The following RAD52 variants were observed in gnomAD, a reference collection of about 807,000 sequenced individuals.
RAD52 encodes DNA repair protein RAD52 homolog.
RAD52 carries 47 observed loss-of-function variants against 55.5 expected under a neutral mutation model. The observed-to-expected ratio is 0.85, with a 90% CI of 0.67 to 1.08. The LOEUF (loss-of-function observed/expected upper bound fraction) is 1.08, where lower values mean the gene tolerates loss of function less well. Ranked by LOEUF, RAD52 falls within the 50% of genes least tolerant of loss-of-function variation. The pLI, the probability that RAD52 is intolerant of heterozygous loss-of-function variation, is 0.00. For missense variants in RAD52, 468 were observed against 522.8 expected (o/e 0.90, Z 1.02); for synonymous variants, 184 against 198.9 (o/e 0.92, Z 0.63).
chr12:981,973 T>C (rs1156298468), intron 1 of RAD52, among the ~76,000 whole-genome samples: 1 of 152,140 alleles, frequency 6.6e-6, no homozygotes, highest in Non-Finnish European at 1.5e-5. Context: ...CAGCCATGCC[T>C]CTGAGGCACT....
At chr12:925,402 A>G (rs759881543) in intron 7 of RAD52, 48 bp downstream of exon 7, 5 of 1,491,026 alleles carry the variant, frequency 3.4e-6, no homozygotes, top group East Asian at 2.3e-5. Context: ...CATGACACAC[A>G]AGAGTTTGCC....
chr12:965,995 G>A (rs1958761631), intron 1 of RAD52, among the ~76,000 whole-genome samples: 1 of 151,576 alleles, frequency 6.6e-6, no homozygotes, highest in African/African-American at 2.4e-5. Flanking sequence ...TTTGTTTTTT[G>A]AGTCAGGATC....
intron 1 of RAD52, among the ~76,000 whole-genome samples, chr12:937,120 G>A (rs531769178): frequency 1.5e-4 from 23 of 152,252 alleles, no homozygotes; most frequent in African/African-American, 4.3e-4. Flanking sequence ...TGAGGGGTCC[G>A]TCCACCCTTC....
At chr12:927,309 C>G (rs1388678598) in intron 5 of RAD52, 46 bp from the exon 6 acceptor site, 1 of 1,341,000 alleles carries the variant, frequency 7.5e-7, no homozygotes, top group South Asian at 1.2e-5. Flanking sequence ...GAGCGGCAGG[C>G]GTGCCACAAC....
At chr12:920,974 A>G (rs1328880516) in intron 7 of RAD52, among the ~76,000 whole-genome samples, 1 of 152,202 alleles carries the variant, frequency 6.6e-6, no homozygotes, top group Non-Finnish European at 1.5e-5. Flanking sequence ...ATGAAACTAG[A>G]AATCAACAGC....
intron 1 of RAD52, among the ~76,000 whole-genome samples, chr12:972,079 G>A (rs144909808): frequency 3.8e-4 from 58 of 152,240 alleles, no homozygotes; most frequent in African/African-American, 1.3e-3. Flanking sequence ...CACAAAATAT[G>A]GGAGGAATAA....
At chr12:929,387 A>G (rs1240451296) in intron 5 of RAD52, among the ~76,000 whole-genome samples, 1 of 152,232 alleles carries the variant, frequency 6.6e-6, no homozygotes, top group Non-Finnish European at 1.5e-5. Flanking sequence ...GTGCTCACTT[A>G]ACACCTTAAA....
Position 913,339 on chromosome 12 carries a change from G to A in RAD52, c.*52C>T. The A allele has an allele frequency of 7.2e-7, 1 of 1,397,604 alleles. No individual in the cohort carries two copies. The highest frequency in any genetic ancestry group is 1.0e-6 in the Non-Finnish European group (1 of 1,004,694). 86.6% of individuals were successfully genotyped at this position (1,397,604 alleles called of 1,614,324 possible). ...TGAACAATTTCATGACCAAAAAGTAGTTTTCCAAAGTCCCTTTGTGACAGA... is the reference window on the plus strand; with the variant it reads ...TGAACAATTTCATGACCAAAAAGTAATTTTCCAAAGTCCCTTTGTGACAGA... On this transcript the variant is annotated 3_prime_UTR_variant, in exon 12 of 12. Transcript: ENST00000358495.
At position 917,298 on chromosome 12, in the gene RAD52, A is replaced by C. The variant is rs1225545788; in HGVS notation, c.544-478T>G. ...TTGGGAGGCACGGACGCCGGCTGCC[A>C]GCCAAGGCTGCAAGGAATCTTCCAG... On this transcript the variant is annotated intron_variant, in intron 7 of 11. Transcript: ENST00000358495. Among the ~76,000 whole-genome samples, 8 of 152,190 alleles carry C rather than the reference A, an allele frequency of 5.3e-5. No homozygotes were observed. In the East Asian group the frequency reaches 1.5e-3, roughly 29 times the overall value.
rs375706512 is a variant in RAD52, at chr12:927,133, C to T, written c.467+12G>A. 9.3e-6 allele frequency: 15 copies of T among 1,609,246 alleles called. No homozygotes were observed. The highest frequency in any genetic ancestry group is 1.7e-5 in the Admixed American group (1 of 59,984). On this transcript the variant is annotated intron_variant, in intron 6 of 11. Coordinates refer to ENST00000358495, the MANE Select transcript of RAD52 (RefSeq NM_134424.4). ...GAAATGACGCAGGTTAGACTCCCAGCCCCGCGCTCACCTGAGGGCTCGCTT... is the reference window on the plus strand; with the variant it reads ...GAAATGACGCAGGTTAGACTCCCAGTCCCGCGCTCACCTGAGGGCTCGCTT...
At chr12:921,230 G>C (rs1391278551) in intron 7 of RAD52, among the ~76,000 whole-genome samples, 2 of 151,840 alleles carry the variant, frequency 1.3e-5, no homozygotes, top group Non-Finnish European at 2.9e-5. Flanking sequence ...TACACCCAAA[G>C]CTAGAAGAAA....
chr12:955,663 C>T (rs566604000), intron 1 of RAD52, among the ~76,000 whole-genome samples: 16 of 151,718 alleles, frequency 1.1e-4, no homozygotes, highest in Admixed American at 2.6e-4. Flanking sequence ...TTGTTAGAGA[C>T]GGGGTTCACC....
chr12:958,704 A>G (rs566041522), intron 1 of RAD52, among the ~76,000 whole-genome samples: 3 of 152,278 alleles, frequency 2.0e-5, no homozygotes, highest in African/African-American at 7.2e-5. Flanking sequence ...CTGGCAGCCT[A>G]TGGTGTGCTT....
At chr12:973,659 G>A (rs956949441) in intron 1 of RAD52, among the ~76,000 whole-genome samples, 3 of 151,478 alleles carry the variant, frequency 2.0e-5, no homozygotes, top group African/African-American at 4.9e-5. Context: ...TGTATTTTTT[G>A]TAGAGACAGG....
intron 1 of RAD52, among the ~76,000 whole-genome samples, chr12:961,024 T>C (rs1365069773): frequency 1.3e-5 from 2 of 150,544 alleles, no homozygotes; most frequent in African/African-American, 2.4e-5. Flanking sequence ...GCAAAGAAAA[T>C]TGAAAAAGAG....
intron 1 of RAD52, among the ~76,000 whole-genome samples, chr12:941,065 G>T (rs1371534719): frequency 1.3e-5 from 2 of 152,088 alleles, no homozygotes; most frequent in Non-Finnish European, 2.9e-5. Flanking sequence ...AAGAAGCTCT[G>T]CAAATCTCAA....
At position 916,821 on chromosome 12, in the gene RAD52, CTAG is replaced by C. The variant is rs772544599; in HGVS notation, c.544-4_544-2del. ...TAGTTAAATCCACTTCAAGAGGCAA[CTAG>C]AAGGAAAGAAGAAAAACAAATTCCT... On this transcript the variant is annotated splice_acceptor_variant and splice_polypyrimidine_tract_variant and intron_variant, in intron 7 of 11. Coordinates refer to ENST00000358495, the MANE Select transcript of RAD52 (RefSeq NM_134424.4). LOFTEE classifies it high-confidence loss of function. The C allele has an allele frequency of 1.3e-6, 2 of 1,593,040 alleles. No individual in the cohort carries two copies. Among genetic ancestry groups the C allele is most frequent in the Non-Finnish European group, 1.7e-6 (2 of 1,162,592 alleles).
At chr12:928,714 T>C (rs1957172454) in intron 5 of RAD52, among the ~76,000 whole-genome samples, 2 of 152,108 alleles carry the variant, frequency 1.3e-5, no homozygotes, top group Non-Finnish European at 2.9e-5. Context: ...TATTTATGTT[T>C]TCTCTTCACC....
intron 7 of RAD52, among the ~76,000 whole-genome samples, chr12:923,787 G>A (rs1409973822): frequency 6.6e-6 from 1 of 152,086 alleles, no homozygotes; most frequent in Non-Finnish European, 1.5e-5. Context: ...GCCGGGTGCG[G>A]TGGCTCACGC....
Sources: gnomAD v4.1 joint callset for allele counts (sites outside exome capture counted in the v4.1 genomes callset) on GRCh38, gnomAD v4.1.1 for gene constraint, MANE v1.5 for transcripts, NCBI Gene and HGNC (gene_info 2026-07-23, HGNC 2026-07-21) for gene names.